The following ALK variants were observed in gnomAD, a reference collection of about 807,000 sequenced individuals.
ALK encodes ALK receptor tyrosine kinase, also known as ALK tyrosine kinase receptor.
In ALK, 74 loss-of-function variants were observed where a neutral mutation model predicts 163.1. That is an observed-to-expected ratio of 0.45 (90% CI 0.38 to 0.55). The LOEUF (loss-of-function observed/expected upper bound fraction) is 0.55, where lower values mean the gene tolerates loss of function less well. Among genes scored for constraint, ALK ranks in the 20% least tolerant of loss-of-function variants. ALK has a pLI of 0.00. For synonymous variants in ALK, 960 were observed against 843.2 expected (o/e 1.14, Z -2.40); for missense variants, 2,063 against 2,105.3 (o/e 0.98, Z 0.39).
intron 1 of ALK, among the ~76,000 whole-genome samples, chr2:29,768,860 G>T (rs1489683341): frequency 6.6e-6 from 1 of 151,194 alleles, no homozygotes; most frequent in East Asian, 1.9e-4. Flanking sequence ...TTAAGACAGG[G>T]TCTCACTCTG....
chr2:29,507,153 C>A (rs938384538), intron 4 of ALK, among the ~76,000 whole-genome samples: 8 of 152,012 alleles, frequency 5.3e-5, no homozygotes, highest in African/African-American at 1.9e-4. Context: ...AATGAATAAA[C>A]CAAATGTGGT....
chr2:29,583,035 G>GTT (rs10637189), intron 3 of ALK, among the ~76,000 whole-genome samples: 1 of 108,032 alleles, frequency 9.3e-6, no homozygotes, highest in East Asian at 2.4e-4. Flanking sequence ...GCTAACTTTT[G>GTT]TTTTTTGTTT....
At chr2:29,887,486 C>A (rs889292930) in intron 1 of ALK, among the ~76,000 whole-genome samples, 3 of 152,196 alleles carry the variant, frequency 2.0e-5, no homozygotes, top group African/African-American at 7.2e-5. Flanking sequence ...TTCTGCCACA[C>A]ACTATTAGTC....
At chr2:29,204,185 A>C (rs1270917097) in intron 26 of ALK, among the ~76,000 whole-genome samples, 3 of 152,194 alleles carry the variant, frequency 2.0e-5, no homozygotes, top group African/African-American at 7.2e-5. Context: ...GATCCCTGCT[A>C]CTGTTAGCAT....
intron 2 of ALK, among the ~76,000 whole-genome samples, chr2:29,716,641 T>C (rs1049451590): frequency 2.0e-5 from 3 of 152,188 alleles, no homozygotes; most frequent in Non-Finnish European, 2.9e-5. Flanking sequence ...GCTTGGTAGC[T>C]GGAGAAGCCA....
intron 3 of ALK, among the ~76,000 whole-genome samples, chr2:29,669,229 A>G (rs142741810): frequency 1.4e-3 from 217 of 152,192 alleles, no homozygotes; most frequent in African/African-American, 4.9e-3. Flanking sequence ...ACTGTAGTCT[A>G]TCTCTCCCTT....
chr2:29,622,608 A>C (rs538650192), intron 3 of ALK, among the ~76,000 whole-genome samples: 1 of 152,284 alleles, frequency 6.6e-6, no homozygotes, highest in East Asian at 1.9e-4. Context: ...TTGAAAAATC[A>C]TAACTTTACA....
intron 4 of ALK, among the ~76,000 whole-genome samples, chr2:29,517,377 A>T (rs1672700932): frequency 6.6e-6 from 1 of 152,088 alleles, no homozygotes; most frequent in Non-Finnish European, 1.5e-5. Context: ...ATCTCTGAAC[A>T]TATATTAAAA....
chr2:29,447,100 G>A (rs1199336864), intron 4 of ALK, among the ~76,000 whole-genome samples: 1 of 152,166 alleles, frequency 6.6e-6, no homozygotes, highest in Admixed American at 6.5e-5. Flanking sequence ...AGCTGTAAAC[G>A]CAGCTGGGGC....
intron 3 of ALK, chr2:29,681,396 GAT>G: frequency 6.6e-6 from 1 of 152,300 alleles, no homozygotes; most frequent in Non-Finnish European, 1.5e-5. Flanking sequence ...TGTTTTTACA[GAT>G]GATGGGCTTA....
At chr2:29,685,650 C>T (rs1678215552) in intron 3 of ALK, among the ~76,000 whole-genome samples, 1 of 152,094 alleles carries the variant, frequency 6.6e-6, no homozygotes, top group Admixed American at 6.6e-5. Flanking sequence ...TGGCCCTGGC[C>T]CCAAGAGCAT....
intron 4 of ALK, among the ~76,000 whole-genome samples, chr2:29,516,878 G>A: frequency 6.6e-6 from 1 of 152,234 alleles, no homozygotes; most frequent in Non-Finnish European, 1.5e-5. Flanking sequence ...CAGTGAGTAT[G>A]TCTTGTTTTC....
chr2:29,863,805 G>A (rs1352594636), intron 1 of ALK, among the ~76,000 whole-genome samples: 1 of 152,100 alleles, frequency 6.6e-6, no homozygotes, highest in African/African-American at 2.4e-5. Flanking sequence ...AAATCAGTAC[G>A]TCAAAGAGAT....
chr2:29,485,902 C>A (rs1465497675), intron 4 of ALK, among the ~76,000 whole-genome samples: 1 of 152,166 alleles, frequency 6.6e-6, no homozygotes, highest in Non-Finnish European at 1.5e-5. Flanking sequence ...GAGCTGATCT[C>A]ATGTGAACCC....
At chr2:29,260,328 G>A (rs1185695683) in intron 11 of ALK, among the ~76,000 whole-genome samples, 2 of 152,126 alleles carry the variant, frequency 1.3e-5, no homozygotes, top group African/African-American at 2.4e-5. Flanking sequence ...CAATAAGCAC[G>A]TCTTTCTGGC....
chr2:29,268,841 C>T (rs879783680), intron 11 of ALK, among the ~76,000 whole-genome samples: 2 of 152,184 alleles, frequency 1.3e-5, no homozygotes, highest in African/African-American at 2.4e-5. Context: ...CATAATCTTT[C>T]TGATCCTCTG....
At chr2:29,794,902 G>T (rs533672475) in intron 1 of ALK, among the ~76,000 whole-genome samples, 1 of 152,194 alleles carries the variant, frequency 6.6e-6, no homozygotes, top group African/African-American at 2.4e-5. Flanking sequence ...CATGCTGTTG[G>T]AAACATGGTG....
At position 29,434,759 on chromosome 2, in the gene ALK, A is replaced by G. The variant is rs530741912; in HGVS notation, c.1155-50900T>C. On this transcript the variant is annotated intron_variant, in intron 4 of 28. Transcript: ENST00000389048. ...CCAACATGTATAATAACCACTTTCA[A>G]TGGAGGCTCGCCTTTCAATTCTAAT... 2.8e-4 allele frequency among the ~76,000 whole-genome samples: 42 copies of G among 152,326 alleles called. No homozygotes were observed. In the East Asian group the frequency reaches 7.1e-3, roughly 26 times the overall value.
Position 29,383,713 on chromosome 2 carries a change from G to C in ALK, c.1282+19C>G, listed in dbSNP as rs758341143. The C allele has an allele frequency of 3.1e-6, 5 of 1,613,900 alleles. No individual in the cohort carries two copies. The Admixed American group carries it at 8.3e-5, about 27-fold the overall frequency. On this transcript the variant is annotated intron_variant, in intron 5 of 28. Coordinates refer to ENST00000389048, the MANE Select transcript of ALK (RefSeq NM_004304.5). ...CACAATAGGCTACCAAGGAGCGTGG[G>C]AAAGCCAGATTCAGATACCTTCACT... is the stretch of plus-strand genomic sequence containing the variant.
Sources: gnomAD v4.1 joint callset for allele counts (sites outside exome capture counted in the v4.1 genomes callset) on GRCh38, gnomAD v4.1.1 for gene constraint, MANE v1.5 for transcripts, NCBI Gene and HGNC (gene_info 2026-07-23, HGNC 2026-07-21) for gene names.